The following VAV3 variants were observed in gnomAD, a reference collection of about 807,000 sequenced individuals.
The protein encoded by VAV3 is vav guanine nucleotide exchange factor 3, also known as guanine nucleotide exchange factor VAV3.
A neutral mutation model predicts 131.2 loss-of-function variants in VAV3; 94 were observed. The observed-to-expected ratio is 0.72, with a 90% CI of 0.61 to 0.85. VAV3 has a LOEUF of 0.85. VAV3 is among the 40% of genes least tolerant of loss of function. The pLI is 0.00. For missense variants in VAV3, 939 were observed against 1,002.7 expected, an observed-to-expected ratio of 0.94 and a Z score of 0.86; for synonymous variants, 349 against 342.0, an observed-to-expected ratio of 1.02 and a Z score of -0.22.
intron 2 of VAV3, among the ~76,000 whole-genome samples, chr1:107,800,043 T>A (rs1016080358): frequency 2.0e-5 from 3 of 152,212 alleles, no homozygotes; most frequent in Non-Finnish European, 4.4e-5. Flanking sequence ...TATGGTTGAA[T>A]AATATTCCAT....
At chr1:107,600,567 A>T (rs1404549133) in intron 24 of VAV3, among the ~76,000 whole-genome samples, 1 of 152,212 alleles carries the variant, frequency 6.6e-6, no homozygotes, top group Non-Finnish European at 1.5e-5. Flanking sequence ...TAGTCCTGTG[A>T]CAAGTACTTT....
At chr1:107,709,889 C>A (rs1226637002) in intron 15 of VAV3, among the ~76,000 whole-genome samples, 1 of 152,058 alleles carries the variant, frequency 6.6e-6, no homozygotes, top group Non-Finnish European at 1.5e-5. Flanking sequence ...AATAAATTAC[C>A]CAGTCTCAGG....
At chr1:107,708,226 T>C (rs938676074) in intron 15 of VAV3, among the ~76,000 whole-genome samples, 1 of 152,148 alleles carries the variant, frequency 6.6e-6, no homozygotes, top group Non-Finnish European at 1.5e-5. Flanking sequence ...TGCTACTACA[T>C]AGAGATTTCC....
chr1:107,654,107 C>T (rs1349930032), intron 19 of VAV3, among the ~76,000 whole-genome samples: 4 of 152,002 alleles, frequency 2.6e-5, no homozygotes, highest in African/African-American at 4.8e-5. Context: ...GTGTTCTTTC[C>T]AAAAAGCACT....
intron 2 of VAV3, among the ~76,000 whole-genome samples, chr1:107,834,786 G>A (rs552175010): frequency 1.3e-5 from 2 of 152,212 alleles, no homozygotes; most frequent in Non-Finnish European, 2.9e-5. Context: ...AACTCTGCAT[G>A]GGGTTGCTGA....
At chr1:107,777,491 G>A (rs544020568) in intron 3 of VAV3, among the ~76,000 whole-genome samples, 195 bp from the exon 4 acceptor site, 2 of 152,216 alleles carry the variant, frequency 1.3e-5, no homozygotes, top group African/African-American at 4.8e-5. Context: ...GGTTCCCCTA[G>A]GGAGGCTGTA....
chr1:107,725,684 T>C (rs2101942142), intron 15 of VAV3, among the ~76,000 whole-genome samples: 1 of 152,152 alleles, frequency 6.6e-6, no homozygotes. Flanking sequence ...CAGCTAAGTT[T>C]TGTATTTTTA....
At chr1:107,664,198 CAACTTTT>C (rs1317017673) in intron 19 of VAV3, among the ~76,000 whole-genome samples, 4 of 152,004 alleles carry the variant, frequency 2.6e-5, no homozygotes, top group Non-Finnish European at 1.5e-5. Flanking sequence ...TATTTTTCTT[CAACTTTT>C]AAGTTCCAGA....
At chr1:107,953,284 T>C (rs1199691740) in intron 1 of VAV3, among the ~76,000 whole-genome samples, 1 of 152,122 alleles carries the variant, frequency 6.6e-6, no homozygotes, top group Admixed American at 6.5e-5. Context: ...ACATGAGGAT[T>C]GGGGAGGCAG....
At chr1:107,753,431 T>G (rs974686169) in intron 12 of VAV3, among the ~76,000 whole-genome samples, 1 of 150,568 alleles carries the variant, frequency 6.6e-6, no homozygotes, top group Admixed American at 6.6e-5. Context: ...GAATGGCAAA[T>G]TAATGCTATA....
At position 107,780,311 on chromosome 1, in the gene VAV3, G is replaced by C. The variant is rs17020012; in HGVS notation, c.322-819C>G. ...GGAAATTGCCTTAATTTAATTCTGA[G>C]TGTTTTCAGAAAAAGTTTTCTAAAT... On this transcript the variant is annotated intron_variant, in intron 2 of 26. Transcript: ENST00000370056. Among the ~76,000 whole-genome samples the C allele has an allele frequency of 7.3e-3, 1,105 of 152,206 alleles. 10 individuals carry two copies. The highest frequency in any genetic ancestry group is 0.025 in the African/African-American group (1,046 of 41,512).
chr1:107,668,471 A>T (rs994957612), intron 19 of VAV3, among the ~76,000 whole-genome samples: 2 of 152,206 alleles, frequency 1.3e-5, no homozygotes, highest in African/African-American at 4.8e-5. Flanking sequence ...TGTGAAATTA[A>T]AAATAAAGCA....
chr1:107,844,528 C>G (rs1668874544), intron 2 of VAV3, among the ~76,000 whole-genome samples: 1 of 152,198 alleles, frequency 6.6e-6, no homozygotes, highest in Non-Finnish European at 1.5e-5. Flanking sequence ...TCTTGCTCAT[C>G]AGATCCCCTG....
chr1:107,712,833 C>G (rs1300348448), intron 15 of VAV3, among the ~76,000 whole-genome samples: 1 of 152,148 alleles, frequency 6.6e-6, no homozygotes, highest in African/African-American at 2.4e-5. Flanking sequence ...GCAGCTATGA[C>G]AAGTGCTACA....
intron 1 of VAV3, among the ~76,000 whole-genome samples, chr1:107,915,661 G>T (rs1195061641): frequency 1.3e-5 from 2 of 152,202 alleles, no homozygotes; most frequent in Non-Finnish European, 2.9e-5. Context: ...TTTGCTAGTT[G>T]ATGAGCACCC....
intron 2 of VAV3, among the ~76,000 whole-genome samples, chr1:107,852,224 T>C (rs1011989528): frequency 4.6e-5 from 7 of 152,208 alleles, no homozygotes; most frequent in African/African-American, 1.7e-4. Context: ...TGAAATTCCC[T>C]TTTTAGTTTC....
chr1:107,879,343 CA>C (rs1670654429), intron 1 of VAV3, among the ~76,000 whole-genome samples: 2 of 152,186 alleles, frequency 1.3e-5, no homozygotes, highest in South Asian at 4.1e-4. Context: ...CTATCACTTG[CA>C]ACAGAACGGC....
In VAV3 at chr1:107,702,350, G is replaced by T. The variant is rs530770839; in HGVS notation, c.1705+2200C>A. Among the ~76,000 whole-genome samples, 4 of 152,246 alleles carry T rather than the reference G, an allele frequency of 2.6e-5. No homozygotes were observed. The South Asian group carries it at 8.3e-4, about 32-fold the overall frequency. ...TCCTGCCTGGCCCCTCCCTTGACAC[G>T]TGGGGATTACAATTCAGGATGAGAT... is the stretch of plus-strand genomic sequence containing the variant. On this transcript the variant is annotated intron_variant, in intron 17 of 26. Transcript: ENST00000370056.
intron 2 of VAV3, among the ~76,000 whole-genome samples, chr1:107,818,135 G>A (rs1206067761): frequency 3.9e-5 from 6 of 152,180 alleles, no homozygotes; most frequent in Admixed American, 2.6e-4. Context: ...AGGTTCATCT[G>A]CACCATGTGA....
Sources: allele counts gnomAD v4.1 joint callset (sites outside exome capture counted in the v4.1 genomes callset), GRCh38; gene constraint gnomAD v4.1.1; transcripts MANE v1.5; gene names NCBI Gene and HGNC (gene_info 2026-07-23, HGNC 2026-07-21).